GFI1B: variants seen among roughly 807,000 people sequenced by gnomAD.
GFI1B encodes the protein growth factor independent 1B transcriptional repressor, also known as zinc finger protein Gfi-1b.
GFI1B carries 20 observed loss-of-function variants against 35.3 expected under a neutral mutation model. That is an observed-to-expected ratio of 0.57 (90% CI 0.40 to 0.82). The LOEUF (loss-of-function observed/expected upper bound fraction) is 0.82. Among genes scored for constraint, GFI1B ranks in the 40% least tolerant of loss-of-function variants. The pLI is 0.00. For missense variants in GFI1B, 430 were observed against 446.3 expected (o/e 0.96, Z 0.33); for synonymous variants, 178 against 177.6 (o/e 1.00, Z -0.02).
chr9:132,984,341 G>A (rs975767753), intron 1 of GFI1B, among the ~76,000 whole-genome samples: 1 of 152,164 alleles, frequency 6.6e-6, no homozygotes, highest in Non-Finnish European at 1.5e-5. Flanking sequence ...GTGAGGGAGG[G>A]GGAGGAGGCA....
intron 1 of GFI1B, among the ~76,000 whole-genome samples, chr9:132,983,052 G>A (rs961410242): frequency 6.6e-6 from 1 of 152,104 alleles, no homozygotes; most frequent in African/African-American, 2.4e-5. Flanking sequence ...CTTAGGCCCT[G>A]AGCCCAGGAG....
At position 132,973,526 on chromosome 9, in the gene GFI1B, AC is replaced by A. The variant is rs545654367; in HGVS notation, c.-679+782del. ...AAAAGCAAGTGAGGCCCCATGAGTA[AC>A]CGAGCAAGACAGGAATCCAAGGGTC... On this transcript the variant is annotated intron_variant, in intron 2 of 10. Transcript: ENST00000339463. Among the ~76,000 whole-genome samples the A allele has an allele frequency of 2.6e-5, 4 of 152,204 alleles. 1 individual carries two copies. The highest frequency in any genetic ancestry group is 5.9e-5 in the Non-Finnish European group (4 of 68,044).
intron 1 of GFI1B, among the ~76,000 whole-genome samples, chr9:132,956,329 T>G (rs1457369060): frequency 1.3e-5 from 2 of 152,182 alleles, no homozygotes; most frequent in Non-Finnish European, 2.9e-5. Flanking sequence ...AGAAAAACAT[T>G]GATGTAGATT....
At chr9:132,969,555 C>T (rs1379238971) in intron 1 of GFI1B, among the ~76,000 whole-genome samples, 1 of 152,188 alleles carries the variant, frequency 6.6e-6, no homozygotes, top group Non-Finnish European at 1.5e-5. Flanking sequence ...CTTGGGTTGC[C>T]TCTACCTTTT....
At chr9:132,953,954 TA>T (rs1055037531) in intron 1 of GFI1B, among the ~76,000 whole-genome samples, 2 of 151,910 alleles carry the variant, frequency 1.3e-5, no homozygotes, top group African/African-American at 4.8e-5. Flanking sequence ...AATAAATAAA[TA>T]AAATAAAATA....
At chr9:132,967,777 T>C (rs553942327) in intron 1 of GFI1B, among the ~76,000 whole-genome samples, 117 of 152,094 alleles carry the variant, frequency 7.7e-4, no homozygotes, top group African/African-American at 2.5e-3. Context: ...TGTGTGTGTA[T>C]ACACATATTT....
chr9:132,962,137 C>CTTTT (rs56259129), intron 1 of GFI1B, among the ~76,000 whole-genome samples: 11 of 129,614 alleles, frequency 8.5e-5, no homozygotes, highest in Non-Finnish European at 7.9e-5. Context: ...TTTTTTTTTT[C>CTTTT]TTTTTTTTTT....
At position 132,989,715 on chromosome 9, in the gene GFI1B, C is replaced by A; in HGVS notation, c.649-27C>A. The A allele has an allele frequency of 6.2e-7, 1 of 1,607,070 alleles. No individual in the cohort carries two copies. Among genetic ancestry groups the A allele is most frequent in the Non-Finnish European group, 8.5e-7 (1 of 1,174,610 alleles). ...GTCCAGTCCTGAGCCTGCACCTGAC[C>A]CCCCGGGGCCTCATTTCCTCCGGCA... On this transcript the variant is annotated intron_variant, in intron 5 of 6. Coordinates refer to ENST00000372122, the MANE Select transcript of GFI1B (RefSeq NM_001377304.1). This position sits in a 1 kb window ranked among gnomAD's most constrained non-coding sequence, Gnocchi z 6.2.
At chr9:132,955,455 A>C (rs1564523042) in intron 1 of GFI1B, among the ~76,000 whole-genome samples, 1 of 152,080 alleles carries the variant, frequency 6.6e-6, no homozygotes, top group Non-Finnish European at 1.5e-5. Context: ...ATGACCAGCT[A>C]CTTTTTAAAA....
At chr9:132,969,872 A>G (rs372887796) in intron 1 of GFI1B, among the ~76,000 whole-genome samples, 4 of 152,316 alleles carry the variant, frequency 2.6e-5, no homozygotes, top group African/African-American at 9.6e-5. Flanking sequence ...GCTAAAAAGC[A>G]GCAGGAAGAG....
chr9:132,968,933 C>A (rs897039616), intron 1 of GFI1B, among the ~76,000 whole-genome samples: 1 of 152,190 alleles, frequency 6.6e-6, no homozygotes, highest in Non-Finnish European at 1.5e-5. Context: ...TTTTTCATCT[C>A]GCAAAACCAA....
chr9:132,950,002 C>T (rs1007839915), intron 1 of GFI1B, among the ~76,000 whole-genome samples: 3 of 152,084 alleles, frequency 2.0e-5, no homozygotes, highest in Admixed American at 2.0e-4. Context: ...GTACTAGCTA[C>T]TTGAGTGGCT....
intron 1 of GFI1B, chr9:132,947,227 C>T (rs888759994): frequency 2.6e-5 from 4 of 152,190 alleles, no homozygotes; most frequent in African/African-American, 9.7e-5. Context: ...TGTGACATCT[C>T]CCCCTCGCCT....
upstream of GFI1B, among the ~76,000 whole-genome samples, chr9:132,977,252 C>T (rs967606778): frequency 6.6e-6 from 1 of 152,160 alleles, no homozygotes; most frequent in Non-Finnish European, 1.5e-5. Flanking sequence ...AACCACTGTG[C>T]CCAGCCAATA....
Position 132,989,660 on chromosome 9 carries a change from G to A in GFI1B, c.649-82G>A, listed in dbSNP as rs1251239201. 3 of 1,150,044 alleles carry A rather than the reference G, an allele frequency of 2.6e-6. No individual in the cohort carries two copies. The highest frequency in any genetic ancestry group is 1.3e-5 in the South Asian group (1 of 78,346). The allele number at this position is 1,150,044 out of a possible 1,614,324, so 71.2% of individuals were successfully genotyped here. A position where few individuals can be genotyped will look rare whatever the true frequency, so the allele number is the denominator to read the frequency against. Reference sequence around the variant, plus strand: ...TGCTCCTCCAGGCCGCCCCAATGGAGTGTCCTGTTCCGCAGGGGATCCCGG... The same window carrying A: ...TGCTCCTCCAGGCCGCCCCAATGGAATGTCCTGTTCCGCAGGGGATCCCGG... On this transcript the variant is annotated intron_variant, in intron 5 of 6. Coordinates refer to ENST00000372122, the MANE Select transcript of GFI1B (RefSeq NM_001377304.1). The surrounding 1 kb of genome is among the most constrained non-coding windows in gnomAD (Gnocchi z 6.2).
chr9:132,987,412 G>A lies in GFI1B; in HGVS notation c.231G>A (p.Pro77=), dbSNP rs768614274. The change falls in exon 3 of 7, where the codon CCG becomes CCA. Residue 77 remains proline, a synonymous_variant. Coordinates refer to ENST00000372122, the MANE Select transcript of GFI1B (RefSeq NM_001377304.1). ...EQDQNLARMA[P]APEGPIVLSR... ...ACCAGAACTTGGCCAGGATGGCCCC[G>A]GCACCAGGTACCCCGCTGTGACCCA... 28 of 1,614,116 alleles carry A rather than the reference G, an allele frequency of 1.7e-5. No homozygotes were observed. Among genetic ancestry groups the A allele is most frequent in the South Asian group, 6.6e-5 (6 of 91,094 alleles).
intron 1 of GFI1B, among the ~76,000 whole-genome samples, chr9:132,971,970 T>C (rs768455667): frequency 1.2e-5 from 1 of 86,282 alleles, no homozygotes; most frequent in Non-Finnish European, 2.4e-5. Flanking sequence ...CAAGACTCTG[T>C]CTAAAAAAAA....
chr9:132,963,104 A>AT (rs1848393305), intron 1 of GFI1B, among the ~76,000 whole-genome samples: 1 of 150,292 alleles, frequency 6.7e-6, no homozygotes, highest in Non-Finnish European at 1.5e-5. Flanking sequence ...AAAAAAAAAA[A>AT]GGAATCTATT....
chr9:132,970,301 C>A (rs942849428), intron 1 of GFI1B, among the ~76,000 whole-genome samples: 2 of 152,172 alleles, frequency 1.3e-5, no homozygotes, highest in African/African-American at 4.8e-5. Context: ...ACAGCAAGCT[C>A]CTCTGTTTGC....
Sources: allele counts gnomAD v4.1 joint callset (sites outside exome capture counted in the v4.1 genomes callset), GRCh38; gene constraint gnomAD v4.1.1; non-coding constraint Gnocchi (gnomAD v3.1); transcripts MANE v1.5; gene names NCBI Gene and HGNC (gene_info 2026-07-23, HGNC 2026-07-21).